SLIT3: variants seen among roughly 807,000 people sequenced by gnomAD.
The protein encoded by SLIT3 is slit guidance ligand 3.
SLIT3 carries 68 observed loss-of-function variants against 184.0 expected under a neutral mutation model. That is an observed-to-expected ratio of 0.37 (90% CI 0.30 to 0.45). The LOEUF is 0.45. Among genes scored for constraint, SLIT3 ranks in the 20% least tolerant of loss-of-function variants. SLIT3 has a pLI of 1.00. For missense variants in SLIT3, 1,707 were observed against 2,026.0 expected, an observed-to-expected ratio of 0.84 and a Z score of 3.02; for synonymous variants, 831 against 828.6, an observed-to-expected ratio of 1.00 and a Z score of -0.05.
chr5:168,778,496 G>T (rs1755842037), intron 12 of SLIT3, among the ~76,000 whole-genome samples: 1 of 152,176 alleles, frequency 6.6e-6, no homozygotes, highest in African/African-American at 2.4e-5. Flanking sequence ...TTGCCTCCTG[G>T]GAGTGCAGAG....
intron 4 of SLIT3, among the ~76,000 whole-genome samples, chr5:168,890,249 CA>C (rs747482951): frequency 2.2e-4 from 34 of 151,610 alleles, no homozygotes; most frequent in Non-Finnish European, 4.1e-4. Flanking sequence ...CCAGACCAAG[CA>C]AAAGATTTTA....
intron 1 of SLIT3, among the ~76,000 whole-genome samples, chr5:169,277,841 T>C (rs1766864249): frequency 6.6e-6 from 1 of 152,224 alleles, no homozygotes; most frequent in African/African-American, 2.4e-5. Flanking sequence ...CTTACTGTTT[T>C]CCACAGCAGC....
At position 169,155,044 on chromosome 5, in the gene SLIT3, C is replaced by A. The variant is rs150978407; in HGVS notation, c.413+38435G>T. Among the ~76,000 whole-genome samples the A allele has an allele frequency of 8.2e-4, 125 of 152,290 alleles. 1 individual carries two copies. Among genetic ancestry groups the A allele is most frequent in the African/African-American group, 2.9e-3 (122 of 41,552 alleles). The stretch of plus-strand genomic sequence containing the variant: ...TCAGATAGGATGACAAAGTTGAAGA[C>A]AGTCAGTTTGGCTTACCAGCTTCAC... On this transcript the variant is annotated intron_variant, in intron 4 of 35. Coordinates refer to ENST00000519560, the MANE Select transcript of SLIT3 (RefSeq NM_003062.4).
At chr5:169,117,018 C>G (rs1282209027) in intron 4 of SLIT3, among the ~76,000 whole-genome samples, 1 of 152,132 alleles carries the variant, frequency 6.6e-6, no homozygotes, top group Non-Finnish European at 1.5e-5. Flanking sequence ...CAGCAGGGGG[C>G]AGGGAGCAGG....
chr5:168,972,193 C>T (rs1335278904), intron 4 of SLIT3, among the ~76,000 whole-genome samples: 1 of 152,026 alleles, frequency 6.6e-6, no homozygotes, highest in East Asian at 1.9e-4. Flanking sequence ...TCCCAGTGGA[C>T]TGGGGAAAGA....
chr5:169,230,845 T>C (rs1470025284), intron 3 of SLIT3, among the ~76,000 whole-genome samples: 7 of 152,150 alleles, frequency 4.6e-5, no homozygotes, highest in African/African-American at 7.2e-5. Flanking sequence ...TAAAACTTTT[T>C]TTTTAAATAT....
intron 4 of SLIT3, among the ~76,000 whole-genome samples, chr5:168,916,095 G>A (rs528373414): frequency 4.6e-5 from 7 of 152,324 alleles, no homozygotes; most frequent in African/African-American, 1.4e-4. Context: ...AACAATGTCT[G>A]TAATTTAAAA....
intron 4 of SLIT3, among the ~76,000 whole-genome samples, chr5:169,122,198 A>C (rs1347269059): frequency 6.6e-6 from 1 of 152,232 alleles, no homozygotes; most frequent in African/African-American, 2.4e-5. Context: ...GAAGGCTGTC[A>C]CAGGATCATG....
intron 15 of SLIT3, among the ~76,000 whole-genome samples, chr5:168,761,399 G>A (rs1266617524): frequency 6.6e-6 from 1 of 151,988 alleles, no homozygotes; most frequent in Non-Finnish European, 1.5e-5. Context: ...CAGGGAAAGG[G>A]GCCTGCTGTT....
chr5:168,749,555 C>T lies in SLIT3; in HGVS notation c.2054G>A (p.Ser685Asn). 1.9e-6 allele frequency: 3 copies of T among 1,614,220 alleles called. No individual in the cohort carries two copies. The highest frequency in any genetic ancestry group is 1.1e-5 in the South Asian group (1 of 91,090). Reference protein sequence around the residue: ...GKWLRKRRIVSGNPRCQKPFF... With the variant: ...GKWLRKRRIVNGNPRCQKPFF... ...TGGCTTCTGGCACCTAGGGTTCCCA[C>T]TGACGATCCGCCTCTTCCTCAACCA... The change falls in exon 19 of 36, where the codon AGT (serine) becomes AAT (asparagine). Residue 685 changes from serine (S) to asparagine (N), a missense_variant. Physicochemically the swap from Ser to Asn is conservative, Grantham distance 46. Transcript: ENST00000519560.
intron 6 of SLIT3, among the ~76,000 whole-genome samples, chr5:168,840,522 C>G (rs1204203270): frequency 6.6e-6 from 1 of 151,552 alleles, no homozygotes; most frequent in Non-Finnish European, 1.5e-5. Flanking sequence ...TGGCCATCCT[C>G]AGCCTGGCTG....
In SLIT3 at chr5:168,884,427, T is replaced by TCTCACACA. The variant is rs1451821641; in HGVS notation, c.414-1092_414-1091insTGTGTGAG. Among the ~76,000 whole-genome samples, 215 of 144,324 alleles carry TCTCACACA rather than the reference T, an allele frequency of 1.5e-3. 1 individual carries two copies. The highest frequency in any genetic ancestry group is 3.2e-3 in the Admixed American group (47 of 14,496). The allele number at this position is 144,324 out of a possible 152,430, so 94.7% of individuals were successfully genotyped here. A position where few individuals can be genotyped will look rare whatever the true frequency, so the allele number is the denominator to read the frequency against. On this transcript the variant is annotated intron_variant, in intron 4 of 35. Transcript: ENST00000519560. ...TAAAAGGTGTCTCTCTCTCTCTCTC[T>TCTCACACA]CACACACACACACACACAGTGCTAT... is the stretch of plus-strand genomic sequence containing the variant.
intron 32 of SLIT3, among the ~76,000 whole-genome samples, chr5:168,680,290 G>A (rs911226226): frequency 1.3e-5 from 2 of 152,274 alleles, no homozygotes; most frequent in East Asian, 3.8e-4. Context: ...CCCCATTCTG[G>A]GGCAAGGAGG....
chr5:169,087,943 T>C (rs1181547884), intron 4 of SLIT3, among the ~76,000 whole-genome samples: 2 of 152,170 alleles, frequency 1.3e-5, no homozygotes, highest in South Asian at 4.1e-4. Flanking sequence ...TAACTTGGCA[T>C]CCCCCTACTT....
At position 168,667,355 on chromosome 5, in the gene SLIT3, T is replaced by C. The variant is rs185670966; in HGVS notation, c.4337-666A>G. Reference sequence around the variant, plus strand: ...TGTTCATACAAGAACATACAGTATATGTTTTTGTATGCTATAAGACATTTG... The same window carrying C: ...TGTTCATACAAGAACATACAGTATACGTTTTTGTATGCTATAAGACATTTG... On this transcript the variant is annotated intron_variant, in intron 35 of 35. Coordinates refer to ENST00000519560, the MANE Select transcript of SLIT3 (RefSeq NM_003062.4). 1.3e-3 allele frequency among the ~76,000 whole-genome samples: 205 copies of C among 152,376 alleles called. 2 individuals are homozygous for C. The highest frequency in any genetic ancestry group is 4.8e-3 in the African/African-American group (200 of 41,594).
chr5:169,013,547 C>T (rs1756242766), intron 4 of SLIT3, among the ~76,000 whole-genome samples: 1 of 152,180 alleles, frequency 6.6e-6, no homozygotes, highest in African/African-American at 2.4e-5. Flanking sequence ...CAAAGGGCTA[C>T]CTGGATGCTT....
intron 4 of SLIT3, among the ~76,000 whole-genome samples, chr5:169,088,454 A>T: frequency 6.6e-6 from 1 of 151,778 alleles, no homozygotes; most frequent in African/African-American, 2.4e-5. Flanking sequence ...AACAAAAACA[A>T]TTGGCATAAG....
intron 4 of SLIT3, among the ~76,000 whole-genome samples, chr5:169,061,792 A>T (rs1272305854): frequency 6.6e-6 from 1 of 152,118 alleles, no homozygotes; most frequent in African/African-American, 2.4e-5. Flanking sequence ...TTCATCTCAG[A>T]TCATGACGGA....
At chr5:169,022,385 T>C (rs1756634597) in intron 4 of SLIT3, among the ~76,000 whole-genome samples, 1 of 152,198 alleles carries the variant, frequency 6.6e-6, no homozygotes, top group African/African-American at 2.4e-5. Context: ...ACCGCTATAC[T>C]CTCTGAAACT....
Sources: allele counts gnomAD v4.1 joint callset (sites outside exome capture counted in the v4.1 genomes callset), GRCh38; gene constraint gnomAD v4.1.1; transcripts MANE v1.5; gene names NCBI Gene and HGNC (gene_info 2026-07-23, HGNC 2026-07-21).